The following RPP40 variants were observed in gnomAD, a reference collection of about 807,000 sequenced individuals.
RPP40 encodes the protein ribonuclease P/MRP subunit p40, also known as ribonuclease P protein subunit p40.
A neutral mutation model predicts 42.5 loss-of-function variants in RPP40; 30 were observed. The ratio of observed to expected loss-of-function variants is 0.71; its 90% CI spans 0.53 to 0.96. RPP40 has a LOEUF of 0.96. RPP40 is among the 40% of genes least tolerant of loss of function. The pLI is 0.00. For missense variants in RPP40, 426 were observed against 433.5 expected (o/e 0.98, Z 0.15); for synonymous variants, 173 against 164.0 (o/e 1.05, Z -0.42).
Position 5,000,651 on chromosome 6 carries a change from G to A in RPP40, c.269-20C>T. 1 of 1,491,870 alleles carries A rather than the reference G, an allele frequency of 6.7e-7. No homozygotes were observed. Among genetic ancestry groups the A allele is most frequent in the Admixed American group, 1.8e-5 (1 of 55,358 alleles). The allele number at this position is 1,491,870 out of a possible 1,614,324, so 92.4% of individuals were successfully genotyped here. A position where few individuals can be genotyped will look rare whatever the true frequency, so the allele number is the denominator to read the frequency against. On this transcript the variant is annotated intron_variant, in intron 2 of 7. Coordinates refer to ENST00000380051, the MANE Select transcript of RPP40 (RefSeq NM_006638.4). Reference sequence around the variant, plus strand: ...AAGAACCTGGAAGAGAAAGTACAGAGGAAAAATTTAAAACAAGAAATTACA... The same window carrying A: ...AAGAACCTGGAAGAGAAAGTACAGAAGAAAAATTTAAAACAAGAAATTACA...
chr6:4,998,642 A>G, intron 5 of RPP40, 74 bp downstream of exon 5: 2 of 1,012,830 alleles, frequency 2.0e-6, no homozygotes, highest in East Asian at 2.6e-5. Context: ...TCACCATTCA[A>G]TCCTCCATTA....
chr6:4,999,032 G>A (rs1445351385), intron 4 of RPP40, among the ~76,000 whole-genome samples, 191 bp from the exon 5 acceptor site: 1 of 152,134 alleles, frequency 6.6e-6, no homozygotes, highest in Non-Finnish European at 1.5e-5. Context: ...CTAACCTTGA[G>A]AGCTAATAAA....
the RPP40 span, among the ~76,000 whole-genome samples, chr6:4,989,390 T>C: frequency 1.3e-5 from 2 of 152,186 alleles, no homozygotes; most frequent in African/African-American, 4.8e-5. Context: ...GTGAAGTTGT[T>C]TGGCTACTCT....
chr6:5,003,781 G>A (rs950643802), intron 1 of RPP40, 99 bp downstream of exon 1: 1 of 1,387,978 alleles, frequency 7.2e-7, no homozygotes, highest in Admixed American at 2.8e-5. Flanking sequence ...TCCGCGTACC[G>A]CCGGCGGCCC....
chr6:4,994,420 G>C (rs1759310282), downstream of RPP40, among the ~76,000 whole-genome samples: 1 of 152,150 alleles, frequency 6.6e-6, no homozygotes, highest in African/African-American at 2.4e-5. Flanking sequence ...TTCTTCATAT[G>C]TATTCTAAAG....
rs954721490 is a variant in RPP40 at position 5,003,784 on chromosome 6, G to A, written c.123+96C>T. On this transcript the variant is annotated intron_variant, in intron 1 of 7. Transcript: ENST00000380051. ...GGGCCCCGCCCCTCCGCGTACCGCCGGCGGCCCCGCCCCGCGAAGCCTAGC... is the reference window on the plus strand; with the variant it reads ...GGGCCCCGCCCCTCCGCGTACCGCCAGCGGCCCCGCCCCGCGAAGCCTAGC... The A allele has an allele frequency of 7.7e-6, 11 of 1,420,082 alleles. No homozygotes were observed. The East Asian group carries it at 2.6e-4, about 34-fold the overall frequency. The allele number at this position is 1,420,082 out of a possible 1,614,324, so 88.0% of individuals were successfully genotyped here.
intron 3 of RPP40, 96 bp from the exon 4 acceptor site, chr6:5,000,000 A>C: frequency 1.4e-6 from 1 of 709,790 alleles, no homozygotes; most frequent in Non-Finnish European, 2.5e-6. Context: ...TTAGATATCA[A>C]TGTAACAAAC....
Position 4,995,007 on chromosome 6 carries a change from A to C in RPP40, c.*71T>G, listed in dbSNP as rs1033276815. ...ATCACACAAGCCTGAGTGGACACAC[A>C]GACCTTTTACCATTAAGAAATCTGA... On this transcript the variant is annotated 3_prime_UTR_variant, in exon 8 of 8. Transcript: ENST00000380051. The C allele has an allele frequency of 2.3e-6, 3 of 1,324,994 alleles. No homozygotes were observed. The African/African-American group carries it at 4.4e-5, about 19-fold the overall frequency. The allele number at this position is 1,324,994 out of a possible 1,614,324, so 82.1% of individuals were successfully genotyped here.
chr6:4,994,791 G>T lies in RPP40; in HGVS notation c.*287C>A. The T allele has an allele frequency of 2.8e-6, 1 of 362,918 alleles. No individual in the cohort carries two copies. The highest frequency in any genetic ancestry group is 5.0e-6 in the Non-Finnish European group (1 of 200,998). 22.5% of individuals were successfully genotyped at this position (362,918 alleles called of 1,614,324 possible). A position where few individuals can be genotyped will look rare whatever the true frequency, so the allele number is the denominator to read the frequency against. ...TATATCTCAACCAATGGAGTGAGATGGGGACCAATATCCCCGGTCCCTGGA... is the reference window on the plus strand; with the variant it reads ...TATATCTCAACCAATGGAGTGAGATTGGGACCAATATCCCCGGTCCCTGGA... On this transcript the variant is annotated 3_prime_UTR_variant, in exon 8 of 8. Transcript: ENST00000380051.
rs371612907 is a variant in RPP40 at position 4,996,380 on chromosome 6, G to A, written c.600C>T (p.Tyr200=). The change falls in exon 6 of 8, where the codon TAC becomes TAT. Residue 200 remains tyrosine, a synonymous_variant. Coordinates refer to ENST00000380051, the MANE Select transcript of RPP40 (RefSeq NM_006638.4). ...ESTMMSYFSK[Y]QIQEHQPKVA... Reference sequence around the variant, plus strand: ...CTTTTGGCTGATGCTCCTGAATTTGGTACTTGGAAAAATATGACATCATTG... The same window carrying A: ...CTTTTGGCTGATGCTCCTGAATTTGATACTTGGAAAAATATGACATCATTG... 22 of 1,613,856 alleles carry A rather than the reference G, an allele frequency of 1.4e-5. No homozygotes were observed. The highest frequency in any genetic ancestry group is 2.2e-5 in the South Asian group (2 of 91,076).
At chr6:5,003,714 G>A in intron 1 of RPP40, 166 bp downstream of exon 1, 1 of 829,756 alleles carries the variant, frequency 1.2e-6, no homozygotes, top group Non-Finnish European at 1.8e-6. Context: ...GCAAGCCACT[G>A]GCTTAGAGCA....
Position 4,998,718 on chromosome 6 carries a change from GT to G in RPP40, c.556del (p.Thr186GlnfsTer8). On this transcript the variant is annotated frameshift_variant, in exon 5 of 8. Coordinates refer to ENST00000380051, the MANE Select transcript of RPP40 (RefSeq NM_006638.4). LOFTEE classifies it high-confidence loss of function. The stretch of plus-strand genomic sequence containing the variant: ...ATTACATAATTTATTCCTCATACCT[GT>G]TTTATGCCAAGCCAAAAGAAAATCA... Reference protein sequence around the residue: ...KFDFLLAWHKTGSEESTMMSY... With the variant: ...KFDFLLAWHKXGSEESTMMSY... The G allele has an allele frequency of 6.5e-7, 1 of 1,542,826 alleles. No homozygotes were observed. Among genetic ancestry groups the G allele is most frequent in the Non-Finnish European group, 8.8e-7 (1 of 1,137,992 alleles).
downstream of RPP40, among the ~76,000 whole-genome samples, chr6:4,990,473 CCT>C (rs1358969260): frequency 6.6e-6 from 1 of 151,588 alleles, no homozygotes; most frequent in East Asian, 1.9e-4. Flanking sequence ...AATATTTCTT[CCT>C]CTCTCTCTCC....
downstream of RPP40, among the ~76,000 whole-genome samples, chr6:4,989,752 GCTAC>G (rs1248672504): frequency 1.1e-4 from 17 of 152,034 alleles, no homozygotes; most frequent in East Asian, 1.9e-4. Context: ...ATTTTTCATT[GCTAC>G]CATATACAAC....
chr6:4,996,438 C>T lies in RPP40; in HGVS notation c.560-18G>A. On this transcript the variant is annotated intron_variant, in intron 5 of 7. Coordinates refer to ENST00000380051, the MANE Select transcript of RPP40 (RefSeq NM_006638.4). ...TTCTGAACCTTAAAAACACACCACA[C>T]AAGGCCATTTGAATCCATCTGACCA... 2 of 1,610,816 alleles carry T rather than the reference C, an allele frequency of 1.2e-6. No individual in the cohort carries two copies. Among genetic ancestry groups the T allele is most frequent in the Non-Finnish European group, 1.7e-6 (2 of 1,179,662 alleles).
At chr6:4,990,485 C>T (rs1759245894), downstream of RPP40, among the ~76,000 whole-genome samples, 1 of 151,950 alleles carries the variant, frequency 6.6e-6, no homozygotes, top group Admixed American at 6.6e-5. Context: ...TCTCTCTCTC[C>T]TTCTCTCCCT....
downstream of RPP40, among the ~76,000 whole-genome samples, chr6:4,992,308 G>A (rs1338400895): frequency 1.3e-5 from 2 of 150,914 alleles, no homozygotes; most frequent in African/African-American, 4.9e-5. Flanking sequence ...GGTGGAGGTT[G>A]CAGTGAGCCG....
In RPP40 at chr6:4,996,005, G is replaced by T; in HGVS notation, c.839C>A (p.Thr280Lys). 6.2e-7 allele frequency: 1 copy of T among 1,614,036 alleles called. No individual in the cohort carries two copies. The highest frequency in any genetic ancestry group is 8.5e-7 in the Non-Finnish European group (1 of 1,179,902). The change falls in exon 7 of 8, where the codon ACA (threonine) becomes AAA (lysine). Residue 280 changes from threonine to lysine, a missense_variant. Transcript: ENST00000380051. ...CTCTGGAAGTATGAAGCCAGTGATT[G>T]TACACAAATAAGCTTTTGCCACCAC... is the stretch of plus-strand genomic sequence containing the variant. ...STVVAKAYLC[T>K]ITGFILPEKI...
downstream of RPP40, among the ~76,000 whole-genome samples, chr6:4,991,911 T>A (rs532897079): frequency 8.1e-4 from 123 of 152,222 alleles, no homozygotes; most frequent in Non-Finnish European, 1.6e-3. Context: ...TAAAAGTGTG[T>A]GGTACCTCCC....
Sources: gnomAD v4.1 joint callset for allele counts (sites outside exome capture counted in the v4.1 genomes callset) on GRCh38, gnomAD v4.1.1 for gene constraint, MANE v1.5 for transcripts, NCBI Gene and HGNC (gene_info 2026-07-23, HGNC 2026-07-21) for gene names.